GPC6: variants seen among roughly 807,000 people sequenced by gnomAD.
GPC6 encodes the protein glypican 6.
A neutral mutation model predicts 55.2 loss-of-function variants in GPC6; 14 were observed. The observed-to-expected ratio is 0.25, with a 90% CI of 0.17 to 0.40. GPC6 has a LOEUF of 0.40. Ranked by LOEUF, GPC6 falls within the 10% of genes least tolerant of loss-of-function variation. GPC6 has a pLI of 1.00. For synonymous variants in GPC6, 278 were observed against 259.6 expected, an observed-to-expected ratio of 1.07 and a Z score of -0.68; for missense variants, 641 against 708.5, an observed-to-expected ratio of 0.90 and a Z score of 1.08.
At chr13:94,015,252 T>C (rs2138704247) in intron 3 of GPC6, among the ~76,000 whole-genome samples, 1 of 152,302 alleles carries the variant, frequency 6.6e-6, no homozygotes, top group Middle Eastern at 3.4e-3. Context: ...AGCAGTATCA[T>C]ATTTTGATTT....
At chr13:94,013,013 C>T (rs1410564562) in intron 3 of GPC6, among the ~76,000 whole-genome samples, 1 of 152,132 alleles carries the variant, frequency 6.6e-6, no homozygotes, top group East Asian at 1.9e-4. Context: ...TGAAAATTCA[C>T]ATTTGATTAA....
intron 3 of GPC6, among the ~76,000 whole-genome samples, chr13:93,960,850 T>A (rs1224588464): frequency 5.3e-5 from 8 of 149,896 alleles, no homozygotes; most frequent in African/African-American, 2.0e-4. Context: ...TCTTGCTCTG[T>A]CGCCCAGGCT....
In GPC6 at chr13:94,223,326, G is replaced by C. The variant is rs919377333; in HGVS notation, c.878-63023G>C. Among the ~76,000 whole-genome samples, 11 of 152,240 alleles carry C rather than the reference G, an allele frequency of 7.2e-5. No homozygotes were observed. The East Asian group carries it at 1.4e-3, about 19-fold the overall frequency. ...GATAATGAAATAATATGAAGATGCA[G>C]AGAATGAAACTGACTTTCCTTGAGG... is the stretch of plus-strand genomic sequence containing the variant. On this transcript the variant is annotated intron_variant, in intron 4 of 8. Transcript: ENST00000377047.
At chr13:93,606,210 G>A (rs1184422013) in intron 2 of GPC6, among the ~76,000 whole-genome samples, 1 of 152,158 alleles carries the variant, frequency 6.6e-6, no homozygotes, top group Non-Finnish European at 1.5e-5. Flanking sequence ...AATGTAGAAT[G>A]AGTGCACGGA....
chr13:94,366,780 A>G (rs900349826), intron 6 of GPC6, among the ~76,000 whole-genome samples: 4 of 152,234 alleles, frequency 2.6e-5, no homozygotes, highest in African/African-American at 7.2e-5. Context: ...CTGTTCTCCA[A>G]AGCAGAGAGC....
At chr13:93,765,539 A>G (rs567159625) in intron 2 of GPC6, among the ~76,000 whole-genome samples, 2 of 152,296 alleles carry the variant, frequency 1.3e-5, no homozygotes, top group African/African-American at 4.8e-5. Flanking sequence ...TGTGCCTTCT[A>G]GAAAATAGAA....
chr13:93,845,113 G>A (rs201491116), intron 3 of GPC6, among the ~76,000 whole-genome samples: 3,802 of 152,046 alleles, frequency 0.025, 232 homozygotes, highest in East Asian at 0.17. Context: ...GCTTAGGATT[G>A]ACTTGGCGAT....
At chr13:93,797,399 C>T (rs557970138) in intron 2 of GPC6, among the ~76,000 whole-genome samples, 3 of 152,230 alleles carry the variant, frequency 2.0e-5, no homozygotes, top group African/African-American at 7.2e-5. Context: ...CTTTCATATA[C>T]GCACAACGTT....
At chr13:93,626,305 C>T (rs1240985080) in intron 2 of GPC6, among the ~76,000 whole-genome samples, 1 of 152,158 alleles carries the variant, frequency 6.6e-6, no homozygotes, top group Non-Finnish European at 1.5e-5. Context: ...GAACGTTAAA[C>T]CAAGTTTGGT....
At chr13:94,049,769 C>G (rs9301927) in intron 4 of GPC6, among the ~76,000 whole-genome samples, 21,876 of 152,102 alleles carry the variant, frequency 0.14, 1,917 homozygotes, top group East Asian at 0.28. Context: ...TGTACTTTAC[C>G]TATCTGTTTG....
intron 2 of GPC6, among the ~76,000 whole-genome samples, chr13:93,552,734 G>T (rs1277907097): frequency 6.6e-6 from 1 of 152,130 alleles, no homozygotes; most frequent in East Asian, 1.9e-4. Context: ...TCACAGACAA[G>T]CCAATTTCTT....
intron 4 of GPC6, among the ~76,000 whole-genome samples, chr13:94,207,789 TC>T (rs1004437800): frequency 6.6e-6 from 1 of 152,136 alleles, no homozygotes; most frequent in African/African-American, 2.4e-5. Context: ...CAATTACATA[TC>T]CCTGGGCAAA....
intron 3 of GPC6, among the ~76,000 whole-genome samples, chr13:93,997,906 T>A (rs1200203075): frequency 6.6e-6 from 1 of 152,192 alleles, no homozygotes; most frequent in Non-Finnish European, 1.5e-5. Flanking sequence ...ATGGTTACAA[T>A]GATGAGTCCT....
intron 6 of GPC6, among the ~76,000 whole-genome samples, chr13:94,339,901 T>C (rs187180754): frequency 4.6e-5 from 7 of 151,952 alleles, no homozygotes; most frequent in Admixed American, 1.3e-4. Flanking sequence ...GTAGCTGGGA[T>C]TACAGGCATG....
chr13:94,306,460 G>C (rs1390749321), intron 6 of GPC6, among the ~76,000 whole-genome samples: 2 of 152,140 alleles, frequency 1.3e-5, no homozygotes, highest in Admixed American at 1.3e-4. Context: ...TTACTCATCT[G>C]CTTCAGTTCT....
chr13:93,366,983 G>T lies in GPC6; in HGVS notation c.160+139367G>T, dbSNP rs570793655. ...TATTGACTGTCTTAGAGATACAGTG[G>T]ACACTATTCTTAATGCTGGGAATGT... is the stretch of plus-strand genomic sequence containing the variant. On this transcript the variant is annotated intron_variant, in intron 1 of 8. Transcript: ENST00000377047. 3.3e-5 allele frequency among the ~76,000 whole-genome samples: 5 copies of T among 152,050 alleles called. No homozygotes were observed. In the East Asian group the frequency reaches 5.8e-4, roughly 18 times the overall value.
intron 4 of GPC6, among the ~76,000 whole-genome samples, chr13:94,044,725 C>G (rs1443351197): frequency 6.6e-6 from 1 of 151,790 alleles, no homozygotes; most frequent in Non-Finnish European, 1.5e-5. Context: ...AGGCTTGTAT[C>G]AATCTGCATT....
intron 3 of GPC6, among the ~76,000 whole-genome samples, chr13:93,985,894 G>T (rs902046902): frequency 6.6e-6 from 1 of 151,824 alleles, no homozygotes; most frequent in Non-Finnish European, 1.5e-5. Flanking sequence ...GAAAGAATGG[G>T]GTTAGAAAGT....
chr13:93,293,328 A>G (rs1234633627), intron 1 of GPC6, among the ~76,000 whole-genome samples: 4 of 152,186 alleles, frequency 2.6e-5, no homozygotes, highest in African/African-American at 9.6e-5. Flanking sequence ...TTCTGAATTC[A>G]ATAAAAATTC....
Sources: gnomAD v4.1 joint callset for allele counts (sites outside exome capture counted in the v4.1 genomes callset) on GRCh38, gnomAD v4.1.1 for gene constraint, MANE v1.5 for transcripts, NCBI Gene and HGNC (gene_info 2026-07-23, HGNC 2026-07-21) for gene names.